C3orf20: variants seen among roughly 807,000 people sequenced by gnomAD.
C3orf20 encodes family with sequence similarity 149 member C.
A neutral mutation model predicts 88.3 loss-of-function variants in C3orf20; 76 were observed. The observed-to-expected ratio is 0.86, with a 90% CI of 0.72 to 1.04. The LOEUF is 1.04. Ranked by LOEUF, C3orf20 falls within the 50% of genes least tolerant of loss-of-function variation. C3orf20 has a pLI of 0.00. For synonymous variants in C3orf20, 436 were observed against 437.4 expected (o/e 1.00, Z 0.04); for missense variants, 1,056 against 1,123.3 (o/e 0.94, Z 0.86).
At chr3:14,745,615 A>G (rs1201252189) in intron 12 of C3orf20, among the ~76,000 whole-genome samples, 1 of 152,220 alleles carries the variant, frequency 6.6e-6, no homozygotes, top group Non-Finnish European at 1.5e-5. Context: ...TTGTACAACT[A>G]TATCTGTAAA....
At chr3:14,686,001 A>G (rs2032406633) in intron 4 of C3orf20, among the ~76,000 whole-genome samples, 1 of 152,072 alleles carries the variant, frequency 6.6e-6, no homozygotes, top group Admixed American at 6.5e-5. Flanking sequence ...AGCTGGGACA[A>G]CAGGTGTGTG....
At chr3:14,733,737 GGA>G (rs1336400256) in intron 12 of C3orf20, among the ~76,000 whole-genome samples, 5 of 150,570 alleles carry the variant, frequency 3.3e-5, no homozygotes, top group Non-Finnish European at 7.4e-5. Flanking sequence ...TTGCCAGGCT[GGA>G]GTGCAATGGA....
chr3:14,683,272 C>T (rs948117187), intron 3 of C3orf20, 75 bp downstream of exon 3: 24 of 1,497,232 alleles, frequency 1.6e-5, no homozygotes, highest in Non-Finnish European at 2.1e-5. Flanking sequence ...ATGCTGGGAA[C>T]AGGTGGCAAC....
intron 10 of C3orf20, chr3:14,722,455 A>G (rs774050304): frequency 1.1e-5 from 5 of 456,582 alleles, no homozygotes; most frequent in Non-Finnish European, 2.2e-5. Context: ...AAGGCAGAAG[A>G]GTTTCCCTAA....
intron 10 of C3orf20, among the ~76,000 whole-genome samples, chr3:14,724,790 G>A (rs2034290728): frequency 6.6e-6 from 1 of 152,072 alleles, no homozygotes; most frequent in East Asian, 1.9e-4. Context: ...TACACATGTA[G>A]CTCACATTAT....
Position 14,772,205 on chromosome 3 carries a change from G to A in C3orf20, c.2630+4G>A. On this transcript the variant is annotated splice_donor_region_variant and intron_variant, in intron 16 of 16. Coordinates refer to ENST00000253697, the MANE Select transcript of C3orf20 (RefSeq NM_032137.5). The surrounding 1 kb of genome is among the most constrained non-coding windows in gnomAD (Gnocchi z 4.2). ...AGTTATCTCTGGAGGCTGAGAAGTA[G>A]GTGACCACATCAGCTGCCAGAATGG... 6.2e-7 allele frequency: 1 copy of A among 1,614,232 alleles called. No individual in the cohort carries two copies. The highest frequency in any genetic ancestry group is 8.5e-7 in the Non-Finnish European group (1 of 1,180,050).
chr3:14,702,550 A>G (rs2033317572), intron 5 of C3orf20, among the ~76,000 whole-genome samples: 1 of 150,092 alleles, frequency 6.7e-6, no homozygotes. Flanking sequence ...AGGAGATTCT[A>G]CTGCCTCAGC....
At chr3:14,747,612 T>G (rs1179787743) in intron 12 of C3orf20, among the ~76,000 whole-genome samples, 1 of 152,118 alleles carries the variant, frequency 6.6e-6, no homozygotes, top group African/African-American at 2.4e-5. Context: ...TATATTATAG[T>G]TTTTCTTTGG....
chr3:14,748,995 T>C (rs1412425589), intron 12 of C3orf20, among the ~76,000 whole-genome samples: 1 of 152,224 alleles, frequency 6.6e-6, no homozygotes, highest in Non-Finnish European at 1.5e-5. Flanking sequence ...TCAAGTTTTC[T>C]ATTTCCTTGT....
At chr3:14,699,144 G>A (rs1273248434) in intron 5 of C3orf20, among the ~76,000 whole-genome samples, 2 of 152,114 alleles carry the variant, frequency 1.3e-5, no homozygotes, top group Non-Finnish European at 2.9e-5. Context: ...TCACTTTTCA[G>A]GGCAGTGGGC....
rs575416220 is a variant in C3orf20, at chr3:14,739,021, C to T, written c.1940+10333C>T. The stretch of plus-strand genomic sequence containing the variant: ...GGTCAGGCTAGTCTCAAACTCCTGA[C>T]CTCAGGTGATCCACCTGCCTCGGCC... On this transcript the variant is annotated intron_variant, in intron 12 of 16. Transcript: ENST00000253697. 1.1e-4 allele frequency among the ~76,000 whole-genome samples: 16 copies of T among 151,206 alleles called. 1 individual carries two copies. The South Asian group carries it at 3.1e-3, about 30-fold the overall frequency.
intron 12 of C3orf20, among the ~76,000 whole-genome samples, chr3:14,729,757 G>C (rs1000040492): frequency 1.3e-5 from 2 of 152,192 alleles, no homozygotes; most frequent in African/African-American, 4.8e-5. Flanking sequence ...TGTTGGCCAG[G>C]CTGGTCTCGA....
chr3:14,761,987 C>A (rs912425587), intron 15 of C3orf20, among the ~76,000 whole-genome samples: 1 of 152,182 alleles, frequency 6.6e-6, no homozygotes, highest in African/African-American at 2.4e-5. Flanking sequence ...GTTTGGTGGG[C>A]AGGAGCTCTG....
At chr3:14,691,717 T>C (rs1575096444) in intron 5 of C3orf20, among the ~76,000 whole-genome samples, 1 of 152,346 alleles carries the variant, frequency 6.6e-6, no homozygotes, top group East Asian at 1.9e-4. Context: ...TCAAGCTAAA[T>C]GGGGTGTCCA....
intron 9 of C3orf20, 87 bp from the exon 10 acceptor site, chr3:14,721,565 AG>A: frequency 6.5e-7 from 1 of 1,539,586 alleles, no homozygotes; most frequent in Non-Finnish European, 8.8e-7. Context: ...CCAAGCCAAC[AG>A]GGGCTTTGTG....
intron 12 of C3orf20, among the ~76,000 whole-genome samples, chr3:14,751,451 G>T (rs561839664): frequency 1.3e-5 from 2 of 152,200 alleles, no homozygotes; most frequent in Non-Finnish European, 2.9e-5. Context: ...GGCGTCAAGG[G>T]ATTTCCCTTT....
chr3:14,721,822 T>A, intron 10 of C3orf20, 38 bp downstream of exon 10: 1 of 1,610,378 alleles, frequency 6.2e-7, no homozygotes. Context: ...CCCTGACCCC[T>A]GGGCATCTCA....
At chr3:14,708,335 T>G (rs976814377) in intron 7 of C3orf20, among the ~76,000 whole-genome samples, 1 of 152,220 alleles carries the variant, frequency 6.6e-6, no homozygotes, top group Non-Finnish European at 1.5e-5. Flanking sequence ...TGTAGAACTA[T>G]AGATGTATGG....
intron 11 of C3orf20, 100 bp from the exon 12 acceptor site, chr3:14,728,339 G>C (rs2034427201): frequency 1.4e-6 from 2 of 1,442,780 alleles, no homozygotes; most frequent in Admixed American, 1.8e-5. Context: ...GGAGGAGATG[G>C]GGGTGAGCCA....
Sources: allele counts gnomAD v4.1 joint callset (sites outside exome capture counted in the v4.1 genomes callset), GRCh38; gene constraint gnomAD v4.1.1; non-coding constraint Gnocchi (gnomAD v3.1); transcripts MANE v1.5; gene names NCBI Gene and HGNC (gene_info 2026-07-23, HGNC 2026-07-21).